PTPRA: variants seen among roughly 807,000 people sequenced by gnomAD.
PTPRA encodes the protein receptor-type tyrosine-protein phosphatase alpha.
PTPRA carries 25 observed loss-of-function variants against 104.8 expected under a neutral mutation model. The observed-to-expected ratio is 0.24, with a 90% confidence interval of 0.17 to 0.33. PTPRA has a LOEUF of 0.33. PTPRA is among the 10% of genes least tolerant of loss of function. The pLI, the probability that PTPRA is intolerant of heterozygous loss-of-function variation, is 1.00. For missense variants in PTPRA, 765 were observed against 1,015.3 expected (o/e 0.75, Z 3.35); for synonymous variants, 323 against 368.9 (o/e 0.88, Z 1.43).
At position 2,950,434 on chromosome 20, in the gene PTPRA, C is replaced by T. The variant is rs1414997602; in HGVS notation, c.-7+2410C>T. On this transcript the variant is annotated intron_variant, in intron 3 of 23. Transcript: ENST00000399903. The surrounding 1 kb of genome is among the most constrained non-coding windows in gnomAD (Gnocchi z 4.0). ...CGGGCGGATCACGAGGTCAAGAGAT[C>T]GAGACCATCCTGGCCATCATGGTGA... Among the ~76,000 whole-genome samples, 3 of 151,476 alleles carry T rather than the reference C, an allele frequency of 2.0e-5. No individual in the cohort carries two copies. Among genetic ancestry groups the T allele is most frequent in the Non-Finnish European group, 4.4e-5 (3 of 67,868 alleles).
intron 13 of PTPRA, among the ~76,000 whole-genome samples, chr20:3,019,165 ACCTC>A (rs1461727888): frequency 8.1e-6 from 1 of 122,724 alleles, no homozygotes; most frequent in African/African-American, 3.2e-5. Flanking sequence ...TGATCCCCCA[ACCTC>A]CCTCCCGGAC....
chr20:2,980,018 T>C (rs991994248), intron 6 of PTPRA, among the ~76,000 whole-genome samples: 1 of 152,170 alleles, frequency 6.6e-6, no homozygotes, highest in African/African-American at 2.4e-5. Context: ...GTTCAAACGA[T>C]TCTCCTGCCT....
chr20:2,943,105 G>C (rs1478356755), intron 2 of PTPRA, among the ~76,000 whole-genome samples: 1 of 150,878 alleles, frequency 6.6e-6, no homozygotes, highest in Admixed American at 6.6e-5. Flanking sequence ...TTACCCTACA[G>C]ATTACAACAC....
In PTPRA at chr20:3,005,085, C is replaced by T; in HGVS notation, c.768C>T (p.Thr256=). ...TCCCTGCATGTCCTATCCAGGCCAC[C>T]TGTGAGGCTGCTTCCAAGGAGGAAA... ...NALPACPIQA[T]CEAASKEENK... Residue 256 remains threonine (T), a synonymous_variant, in exon 10 of 24, where the codon ACC becomes ACT. Coordinates refer to ENST00000399903, the MANE Select transcript of PTPRA (RefSeq NM_001385305.1). 1 of 1,611,608 alleles carries T rather than the reference C, an allele frequency of 6.2e-7. No individual in the cohort carries two copies. Among genetic ancestry groups the T allele is most frequent in the South Asian group, 1.1e-5 (1 of 90,972 alleles).
rs1568706744 is a variant in PTPRA, at chr20:3,027,108, A to G, written c.1709-13A>G. 9 of 1,613,570 alleles carry G rather than the reference A, an allele frequency of 5.6e-6. No homozygotes were observed. Among genetic ancestry groups the G allele is most frequent in the South Asian group, 1.1e-5 (1 of 91,076 alleles). ...TGATATTGGCTAGCCATAAGCCGCT[A>G]TTCTTCTTACAGATGAATTCAACAG... On this transcript the variant is annotated splice_polypyrimidine_tract_variant and intron_variant, in intron 18 of 23. Transcript: ENST00000399903.
chr20:2,954,353 A>ACAGG (rs1411917863), intron 3 of PTPRA, among the ~76,000 whole-genome samples: 1 of 152,088 alleles, frequency 6.6e-6, no homozygotes, highest in Admixed American at 6.5e-5. Context: ...GGCTGGGATT[A>ACAGG]CAGGCGTGCG....
intron 9 of PTPRA, among the ~76,000 whole-genome samples, chr20:3,000,340 C>T (rs1212520783): frequency 6.6e-6 from 1 of 152,072 alleles, no homozygotes; most frequent in African/African-American, 2.4e-5. Flanking sequence ...AGGTACTTCA[C>T]GGAAGAGGAA....
intron 17 of PTPRA, among the ~76,000 whole-genome samples, 174 bp from the exon 18 acceptor site, chr20:3,026,513 C>G (rs551718894): frequency 6.6e-6 from 1 of 152,182 alleles, no homozygotes; most frequent in South Asian, 2.1e-4. Flanking sequence ...ATTTCCCAAA[C>G]AGTCTCTTGG....
At chr20:2,874,269 G>T (rs1168134908) in intron 1 of PTPRA, among the ~76,000 whole-genome samples, 1 of 152,048 alleles carries the variant, frequency 6.6e-6, no homozygotes, top group Non-Finnish European at 1.5e-5. Flanking sequence ...GGGAAATAAG[G>T]GCTGAGAGCT....
rs1382811973 is a variant in PTPRA at position 3,027,147 on chromosome 20, G to A, written c.1735G>A (p.Val579Ile). Reference sequence around the variant, plus strand: ...TGAATTCAACAGAGTGATCATTCCAGTTAAGCGGGGCGAAGAGAATACAGA... The same window carrying A: ...TGAATTCAACAGAGTGATCATTCCAATTAAGCGGGGCGAAGAGAATACAGA... ...PYEFNRVIIPVKRGEENTDYV... is the reference protein window; with the variant it reads ...PYEFNRVIIPIKRGEENTDYV... Residue 579 changes from valine to isoleucine, a missense_variant, in exon 19 of 24, where the codon GTT becomes ATT. By Grantham distance (29) the Val-to-Ile change is conservative (BLOSUM62 3). This residue lies in a region of PTPRA where 192 missense variants were observed against 227.0 expected (regional missense o/e 0.85). Coordinates refer to ENST00000399903, the MANE Select transcript of PTPRA (RefSeq NM_001385305.1). 4 of 1,614,190 alleles carry A rather than the reference G, an allele frequency of 2.5e-6. No individual in the cohort carries two copies.
intron 1 of PTPRA, among the ~76,000 whole-genome samples, chr20:2,912,034 G>A (rs1257219910): frequency 6.6e-6 from 1 of 151,836 alleles, no homozygotes; most frequent in Non-Finnish European, 1.5e-5. Flanking sequence ...CTTGAGCCCA[G>A]GAGTTCGAGA....
At chr20:2,923,660 G>A (rs538568692) in intron 2 of PTPRA, among the ~76,000 whole-genome samples, 13 of 152,030 alleles carry the variant, frequency 8.6e-5, no homozygotes, top group Non-Finnish European at 1.9e-4. Context: ...TTAGCCAGAT[G>A]TGGTGGCATG....
chr20:2,974,621 G>A (rs765545326), intron 5 of PTPRA, among the ~76,000 whole-genome samples: 1 of 152,042 alleles, frequency 6.6e-6, no homozygotes, highest in Non-Finnish European at 1.5e-5. Context: ...GTAGAGACGG[G>A]GTTTTACCAT....
At chr20:3,028,296 T>A (rs1158177961) in intron 20 of PTPRA, among the ~76,000 whole-genome samples, 1 of 152,046 alleles carries the variant, frequency 6.6e-6, no homozygotes, top group Non-Finnish European at 1.5e-5. Context: ...GCTGACTACA[T>A]AAAATAAAGC....
At chr20:3,034,099 T>C (rs1347068961) in intron 20 of PTPRA, among the ~76,000 whole-genome samples, 3 of 151,914 alleles carry the variant, frequency 2.0e-5, no homozygotes, top group Non-Finnish European at 4.4e-5. Context: ...GGTGAAACCC[T>C]GTCTCTACTA....
intron 1 of PTPRA, among the ~76,000 whole-genome samples, chr20:2,896,890 A>T (rs2059020848): frequency 1.3e-5 from 2 of 152,300 alleles, no homozygotes; most frequent in South Asian, 4.1e-4. Flanking sequence ...AGTCTCTTTT[A>T]ATCTAGAATA....
At chr20:2,903,876 A>G (rs1161100042) in intron 1 of PTPRA, among the ~76,000 whole-genome samples, 2 of 151,526 alleles carry the variant, frequency 1.3e-5, no homozygotes, top group Non-Finnish European at 2.9e-5. Context: ...CTGTTTTTCT[A>G]TCCCTTTTAA....
chr20:3,007,906 C>T (rs1016872417), intron 11 of PTPRA, among the ~76,000 whole-genome samples: 2 of 152,004 alleles, frequency 1.3e-5, no homozygotes, highest in African/African-American at 2.4e-5. Context: ...AGAGCTGATA[C>T]TAAGAGGAGG....
rs533802201 is a variant in PTPRA, at chr20:2,920,854, A to G, written c.-128-2353A>G. The stretch of plus-strand genomic sequence containing the variant: ...CTAGAGAGGTTTTTTTAAGATGTTA[A>G]AGCCTTGAGGCTATTTATGTGCTGA... On this transcript the variant is annotated intron_variant, in intron 1 of 23. Transcript: ENST00000399903. Among the ~76,000 whole-genome samples the G allele has an allele frequency of 5.3e-5, 8 of 152,000 alleles. No individual in the cohort carries two copies. In the South Asian group the frequency reaches 1.0e-3, roughly 20 times the overall value.
Sources: gnomAD v4.1 joint callset for allele counts (sites outside exome capture counted in the v4.1 genomes callset) on GRCh38, gnomAD v4.1.1 for gene constraint, gnomAD v4.1.1 regional missense constraint, Gnocchi (gnomAD v3.1) non-coding constraint, MANE v1.5 for transcripts, NCBI Gene and HGNC (gene_info 2026-07-23, HGNC 2026-07-21) for gene names.